Variants in HSPE1 observed in about 807,000 individuals in gnomAD.
The protein encoded by HSPE1 is 10 kDa heat shock protein, mitochondrial.
In HSPE1, 1 loss-of-function variant was observed where a neutral mutation model predicts 13.2. The ratio of observed to expected loss-of-function variants is 0.08; its 90% CI spans 0.03 to 0.36. The LOEUF is 0.36. Ranked by LOEUF, HSPE1 falls within the 10% of genes least tolerant of loss-of-function variation. The pLI, the probability that HSPE1 is intolerant of heterozygous loss-of-function variation, is 0.99. For missense variants in HSPE1, 73 were observed against 118.7 expected, an observed-to-expected ratio of 0.62 and a Z score of 1.79; for synonymous variants, 44 against 42.0, an observed-to-expected ratio of 1.05 and a Z score of -0.19.
At chr2:197,500,916 T>C in intron 1 of HSPE1, 158 bp from the exon 2 acceptor site, 1 of 833,664 alleles carries the variant, frequency 1.2e-6, no homozygotes, top group South Asian at 2.0e-5. Flanking sequence ...ACTTGGAATA[T>C]TGGTTAGTAC....
rs780207908 is a variant in HSPE1 at position 197,503,266 on chromosome 2, T to C, written c.*7T>C. ...TGGAAAGTACGTAGACTGAAATAAG[T>C]CACTATTGAAATGGCATCAACATGA... On this transcript the variant is annotated 3_prime_UTR_variant, in exon 4 of 4. Transcript: ENST00000233893. 3.8e-6 allele frequency: 6 copies of C among 1,581,016 alleles called. No individual in the cohort carries two copies. The highest frequency in any genetic ancestry group is 5.2e-6 in the Non-Finnish European group (6 of 1,155,880).
Position 197,503,012 on chromosome 2 carries a change from GC to G in HSPE1, c.169-26del. ...TATGTTGGGTGAACTAGATATCTTT[GC>G]TAATAAACATCCTTCCTTTTTTAAG... On this transcript the variant is annotated intron_variant, in intron 2 of 3. Coordinates refer to ENST00000233893, the MANE Select transcript of HSPE1 (RefSeq NM_002157.3). The G allele has an allele frequency of 5.3e-6, 7 of 1,311,388 alleles. No homozygotes were observed. The South Asian group carries it at 8.3e-5, about 16-fold the overall frequency. 81.2% of individuals were successfully genotyped at this position (1,311,388 alleles called of 1,614,324 possible). A position where few individuals can be genotyped will look rare whatever the true frequency, so the allele number is the denominator to read the frequency against.
chr2:197,501,387 G>A lies in HSPE1; in HGVS notation c.168+149G>A, dbSNP rs2086253086. On this transcript the variant is annotated intron_variant, in intron 2 of 3. Coordinates refer to ENST00000233893, the MANE Select transcript of HSPE1 (RefSeq NM_002157.3). The stretch of plus-strand genomic sequence containing the variant: ...TTTGGTTCTAATCTGTTTCTTAAAG[G>A]GAAATGACTAATATAAAGTTGCTTA... 1.2e-5 allele frequency: 11 copies of A among 896,560 alleles called. No individual in the cohort carries two copies. In the South Asian group the frequency reaches 1.8e-4, roughly 15 times the overall value. 55.5% of individuals were successfully genotyped at this position (896,560 alleles called of 1,614,324 possible). A position where few individuals can be genotyped will look rare whatever the true frequency, so the allele number is the denominator to read the frequency against.
Position 197,503,138 on chromosome 2 carries a change from C to G in HSPE1, c.258+10C>G. ...AGTTCTAGATGACAAGGTGTGTAAA[C>G]TTAATAATTCTAAAAAGAAGTCAGA... is the stretch of plus-strand genomic sequence containing the variant. On this transcript the variant is annotated intron_variant, in intron 3 of 3. Transcript: ENST00000233893. 6.3e-7 allele frequency: 1 copy of G among 1,590,016 alleles called. No homozygotes were observed. The highest frequency in any genetic ancestry group is 8.6e-7 in the Non-Finnish European group (1 of 1,158,522).
chr2:197,502,709 A>G (rs1201354025), intron 2 of HSPE1, among the ~76,000 whole-genome samples: 2 of 152,222 alleles, frequency 1.3e-5, no homozygotes, highest in Non-Finnish European at 2.9e-5. Context: ...TTTATTTCAT[A>G]TAGTTGATAA....
At chr2:197,503,006 A>G (rs1380158975) in intron 2 of HSPE1, 33 bp from the exon 3 acceptor site, 1 of 1,200,360 alleles carries the variant, frequency 8.3e-7, no homozygotes, top group Admixed American at 1.7e-5. Context: ...TGAACTAGAT[A>G]TCTTTGCTAA....
Position 197,503,034 on chromosome 2 carries a change from T to G in HSPE1, c.169-5T>G. ...TTTGCTAATAAACATCCTTCCTTTT[T>G]TAAGGGTGGAGAGATTCAACCAGTT... On this transcript the variant is annotated splice_polypyrimidine_tract_variant and splice_region_variant and intron_variant, in intron 2 of 3. Coordinates refer to ENST00000233893, the MANE Select transcript of HSPE1 (RefSeq NM_002157.3). 6.4e-7 allele frequency: 1 copy of G among 1,550,782 alleles called. No individual in the cohort carries two copies. The highest frequency in any genetic ancestry group is 8.8e-7 in the Non-Finnish European group (1 of 1,132,404).
intron 1 of HSPE1, 178 bp downstream of exon 1, chr2:197,500,617 T>G: frequency 1.1e-6 from 1 of 932,722 alleles, no homozygotes; most frequent in Non-Finnish European, 1.6e-6. Flanking sequence ...CCCAGGGCTC[T>G]TTGCACGCGC....
Position 197,503,382 on chromosome 2 carries a change from C to T in HSPE1, c.*123C>T. 1 of 638,236 alleles carries T rather than the reference C, an allele frequency of 1.6e-6. No homozygotes were observed. Among genetic ancestry groups the T allele is most frequent in the Admixed American group, 2.8e-5 (1 of 35,324 alleles). The allele number at this position is 638,236 out of a possible 1,614,324, so 39.5% of individuals were successfully genotyped here. A position where few individuals can be genotyped will look rare whatever the true frequency, so the allele number is the denominator to read the frequency against. On this transcript the variant is annotated 3_prime_UTR_variant, in exon 4 of 4. Transcript: ENST00000233893. ...ATAATAAACTAATGATAACTAATGACATCCAGTGTCTCCAAAATTGTTTCC... is the reference window on the plus strand; with the variant it reads ...ATAATAAACTAATGATAACTAATGATATCCAGTGTCTCCAAAATTGTTTCC...
At chr2:197,500,468 A>T in intron 1 of HSPE1, 29 bp downstream of exon 1, 1 of 1,472,376 alleles carries the variant, frequency 6.8e-7, no homozygotes, top group Non-Finnish European at 9.2e-7. Flanking sequence ...CGAGGCCTGC[A>T]GGCCCGGGCC....
chr2:197,500,604 TC>T, intron 1 of HSPE1, 165 bp downstream of exon 1: 1 of 1,061,432 alleles, frequency 9.4e-7, no homozygotes. Flanking sequence ...GACCCTTTTC[TC>T]CCCCAGGGCT....
chr2:197,502,764 A>G (rs2106087020), intron 2 of HSPE1, among the ~76,000 whole-genome samples: 1 of 152,354 alleles, frequency 6.6e-6, no homozygotes, highest in South Asian at 2.1e-4. Context: ...TTAGTTAACT[A>G]AAGTTAGCTT....
Position 197,501,160 on chromosome 2 carries a change from C to G in HSPE1, c.90C>G (p.Gly30=). 6.2e-7 allele frequency: 1 copy of G among 1,614,082 alleles called. No homozygotes were observed. The highest frequency in any genetic ancestry group is 1.6e-4 in the Middle Eastern group (1 of 6,062). Residue 30 remains glycine, a synonymous_variant, in exon 2 of 4, where the codon GGC becomes GGG. Coordinates refer to ENST00000233893, the MANE Select transcript of HSPE1 (RefSeq NM_002157.3). ...RSAAETVTKG[G]IMLPEKSQGK... is the part of the protein sequence containing the mutation. ...CTGCTGAAACTGTAACCAAAGGAGG[C>G]ATTATGCTTCCAGAAAAATCTCAAG... is the stretch of plus-strand genomic sequence containing the variant.
Position 197,500,934 on chromosome 2 carries a change from T to G in HSPE1, c.4-140T>G, listed in dbSNP as rs1220931248. 6.1e-6 allele frequency: 6 copies of G among 981,154 alleles called. No homozygotes were observed. In the Admixed American group the frequency reaches 1.4e-4, roughly 23 times the overall value. 60.8% of individuals were successfully genotyped at this position (981,154 alleles called of 1,614,324 possible). On this transcript the variant is annotated intron_variant, in intron 1 of 3. Transcript: ENST00000233893. ...TGGAATATTGGTTAGTACATTCAAA[T>G]GCGCTTCCTTAACGAATAAGCTGAG...
rs1160483731 is a variant in HSPE1, at chr2:197,500,399, A to G, written c.-38A>G. On this transcript the variant is annotated 5_prime_UTR_variant, in exon 1 of 4. Transcript: ENST00000233893. ...GGACTGCGAGTCTCTTTGCGGCGCT[A>G]CACTAGAGCAGAGTACGAGTCTGAG... is the stretch of plus-strand genomic sequence containing the variant. 1.9e-6 allele frequency: 3 copies of G among 1,596,254 alleles called. No homozygotes were observed. In the African/African-American group the frequency reaches 4.0e-5, roughly 21 times the overall value.
intron 2 of HSPE1, chr2:197,501,597 T>C (rs1274244147): frequency 1.3e-5 from 2 of 157,544 alleles, no homozygotes; most frequent in Non-Finnish European, 2.8e-5. Flanking sequence ...ACCCCGTCTC[T>C]ACTAAAGATA....
intron 2 of HSPE1, among the ~76,000 whole-genome samples, chr2:197,502,401 T>G (rs1372050383): frequency 1.3e-5 from 2 of 152,190 alleles, no homozygotes; most frequent in Non-Finnish European, 2.9e-5. Context: ...CTTCTAAAGA[T>G]CTCAGCCAAA....
At chr2:197,500,478 C>T in intron 1 of HSPE1, 39 bp downstream of exon 1, 4 of 1,490,342 alleles carry the variant, frequency 2.7e-6, no homozygotes, top group South Asian at 1.2e-5. Context: ...AGGCCCGGGC[C>T]TGTCTGAGGC....
Position 197,500,512 on chromosome 2 carries a change from CTT to C in HSPE1, c.3+76_3+77del, listed in dbSNP as rs941147297. On this transcript the variant is annotated intron_variant, in intron 1 of 3. Coordinates refer to ENST00000233893, the MANE Select transcript of HSPE1 (RefSeq NM_002157.3). ...GCGTACGGGGATCCCTGACGCCCCTCTTTTGTTGGGCTGGGCGGGAGGGATTG... is the reference window on the plus strand; with the variant it reads ...GCGTACGGGGATCCCTGACGCCCCTCTTGTTGGGCTGGGCGGGAGGGATTG... 8 of 639,100 alleles carry C rather than the reference CTT, an allele frequency of 1.3e-5. No individual in the cohort carries two copies. In the African/African-American group the frequency reaches 1.3e-4, roughly 10 times the overall value. 39.6% of individuals were successfully genotyped at this position (639,100 alleles called of 1,614,324 possible). A position where few individuals can be genotyped will look rare whatever the true frequency, so the allele number is the denominator to read the frequency against.
Sources: gnomAD v4.1 joint callset for allele counts (sites outside exome capture counted in the v4.1 genomes callset) on GRCh38, gnomAD v4.1.1 for gene constraint, MANE v1.5 for transcripts, NCBI Gene and HGNC (gene_info 2026-07-23, HGNC 2026-07-21) for gene names.